The following THEMIS variants were observed in gnomAD, a reference collection of about 807,000 sequenced individuals.
The protein encoded by THEMIS is protein THEMIS.
THEMIS carries 37 observed loss-of-function variants against 52.6 expected under a neutral mutation model. The ratio of observed to expected loss-of-function variants is 0.70; its 90% CI spans 0.54 to 0.93. The LOEUF (loss-of-function observed/expected upper bound fraction) is 0.93, where lower values mean the gene tolerates loss of function less well. THEMIS is among the 40% of genes least tolerant of loss of function. The probability of loss-of-function intolerance (pLI) is 0.00; values close to 1 mark genes in which losing one functional copy is unlikely to be tolerated. For synonymous variants in THEMIS, 292 were observed against 272.7 expected, an observed-to-expected ratio of 1.07 and a Z score of -0.70; for missense variants, 808 against 763.1, an observed-to-expected ratio of 1.06 and a Z score of -0.69.
chr6:127,716,041 A>G lies in THEMIS; in HGVS notation c.1894+3647T>C, dbSNP rs145831317. On this transcript the variant is annotated intron_variant, in intron 5 of 5. Transcript: ENST00000368248. ...ACTACTTGACTAGTCTAATTTATGA[A>G]GGACAAGCAGTGACACAGATTTAGT... Among the ~76,000 whole-genome samples the G allele has an allele frequency of 1.1e-3, 163 of 152,040 alleles. No individual in the cohort carries two copies. The Middle Eastern group carries it at 0.02, about 19-fold the overall frequency.
intron 1 of THEMIS, among the ~76,000 whole-genome samples, chr6:127,892,096 A>G (rs1780830626): frequency 6.6e-6 from 1 of 152,000 alleles, no homozygotes; most frequent in Admixed American, 6.6e-5. Context: ...TCCCAGCCCC[A>G]CTCTGTACCA....
Position 127,812,895 on chromosome 6 carries a change from G to T in THEMIS, c.1746C>A (p.Pro582=). 6.3e-7 allele frequency: 1 copy of T among 1,599,784 alleles called. No homozygotes were observed. The highest frequency in any genetic ancestry group is 1.7e-4 in the Middle Eastern group (1 of 5,944). Residue 582 remains proline, a synonymous_variant, in exon 4 of 6, where the codon CCC becomes CCA. Coordinates refer to ENST00000368248, the MANE Select transcript of THEMIS (RefSeq NM_001010923.3). Reference sequence around the variant, plus strand: ...ACCATAGCCTTACCTTGGGAGACTTGGGCAGGTCTACCGTCCTTTCTTCTG... The same window carrying T: ...ACCATAGCCTTACCTTGGGAGACTTTGGCAGGTCTACCGTCCTTTCTTCTG... ...TLAEERTVDL[P]KSPKRHHVDI... is the part of the protein sequence containing the mutation.
intron 4 of THEMIS, among the ~76,000 whole-genome samples, chr6:127,792,614 C>T (rs539989304): frequency 2.6e-5 from 4 of 152,292 alleles, no homozygotes; most frequent in African/African-American, 9.6e-5. Context: ...CATTTTTAAC[C>T]ATTCCCTGAA....
chr6:127,730,870 G>A (rs953731843), intron 4 of THEMIS, among the ~76,000 whole-genome samples: 2 of 152,100 alleles, frequency 1.3e-5, no homozygotes, highest in African/African-American at 4.8e-5. Flanking sequence ...TCCTGGATGA[G>A]GTAGGCAAAT....
chr6:127,714,047 G>A (rs558420813), intron 5 of THEMIS, among the ~76,000 whole-genome samples: 20 of 151,676 alleles, frequency 1.3e-4, no homozygotes, highest in African/African-American at 1.9e-4. Flanking sequence ...GGCATATTCC[G>A]ATGTTCTTTG....
At chr6:127,699,498 G>T in the THEMIS span, among the ~76,000 whole-genome samples, 116 of 149,262 alleles carry the variant, frequency 7.8e-4, 2 homozygotes, top group African/African-American at 2.8e-3. Context: ...CACAGGATAC[G>T]TTCTTCCACT....
At chr6:127,881,575 A>C (rs1390380683) in intron 1 of THEMIS, among the ~76,000 whole-genome samples, 1 of 151,946 alleles carries the variant, frequency 6.6e-6, no homozygotes, top group Non-Finnish European at 1.5e-5. Flanking sequence ...TGTAAATCTC[A>C]TACTCCATTG....
At chr6:127,878,748 T>C (rs1780389924) in intron 1 of THEMIS, among the ~76,000 whole-genome samples, 1 of 152,202 alleles carries the variant, frequency 6.6e-6, no homozygotes, top group Admixed American at 6.5e-5. Context: ...AATTTCTGAA[T>C]ATTACTGAGC....
chr6:127,873,685 T>C (rs1780224516), intron 1 of THEMIS, among the ~76,000 whole-genome samples: 1 of 152,226 alleles, frequency 6.6e-6, no homozygotes, highest in Non-Finnish European at 1.5e-5. Flanking sequence ...TGTTACAGCA[T>C]CTGTCTTTCC....
At chr6:127,798,692 A>G (rs1048384887) in intron 4 of THEMIS, among the ~76,000 whole-genome samples, 18 of 152,196 alleles carry the variant, frequency 1.2e-4, no homozygotes, top group South Asian at 6.2e-4. Flanking sequence ...CAAAATTCCA[A>G]TTGAAAAATT....
intron 3 of THEMIS, among the ~76,000 whole-genome samples, chr6:127,826,664 A>T (rs1309861748): frequency 6.6e-6 from 1 of 152,176 alleles, no homozygotes; most frequent in Non-Finnish European, 1.5e-5. Context: ...AGGCAAATAT[A>T]AATAGCTCAC....
intron 4 of THEMIS, among the ~76,000 whole-genome samples, chr6:127,743,659 T>C (rs1162793619): frequency 6.6e-6 from 1 of 152,142 alleles, no homozygotes; most frequent in East Asian, 1.9e-4. Flanking sequence ...CATCTTATTG[T>C]GCCCCCAGGC....
chr6:127,703,035 G>GGTTTTTTTTTTTTTTTTTTTT, the THEMIS span, among the ~76,000 whole-genome samples: 34 of 82,380 alleles, frequency 4.1e-4, 4 homozygotes, highest in Non-Finnish European at 6.9e-4. Context: ...TTTAGAATGA[G>GGTTTTTTTTTTTTTTTTTTTT]TTTTTTTTTT....
chr6:127,859,699 T>C (rs1562305731), intron 1 of THEMIS, among the ~76,000 whole-genome samples: 1 of 152,096 alleles, frequency 6.6e-6, no homozygotes. Context: ...GCTGACTATG[T>C]TGTGAATTCT....
intron 5 of THEMIS, among the ~76,000 whole-genome samples, chr6:127,713,875 C>T (rs564253752): frequency 3.3e-5 from 5 of 151,816 alleles, no homozygotes; most frequent in Non-Finnish European, 7.4e-5. Flanking sequence ...GATTATTATA[C>T]ACTTACTCTG....
downstream of THEMIS, among the ~76,000 whole-genome samples, chr6:127,703,791 G>T (rs998618176): frequency 5.3e-5 from 8 of 152,166 alleles, no homozygotes; most frequent in Non-Finnish European, 1.0e-4. Context: ...CTCAGACAAA[G>T]AACAGGTTAT....
At chr6:127,828,916 A>C (rs374135032) in intron 3 of THEMIS, among the ~76,000 whole-genome samples, 8 of 152,178 alleles carry the variant, frequency 5.3e-5, no homozygotes, top group Non-Finnish European at 7.3e-5. Flanking sequence ...TCAAAACAAA[A>C]AAACAAACAA....
intron 1 of THEMIS, among the ~76,000 whole-genome samples, chr6:127,894,169 A>G (rs1200229828): frequency 6.6e-6 from 1 of 152,064 alleles, no homozygotes; most frequent in Admixed American, 6.6e-5. Context: ...TAATTTGAAC[A>G]AAACAAATAA....
intron 1 of THEMIS, among the ~76,000 whole-genome samples, chr6:127,880,532 G>A (rs1388347272): frequency 2.2e-5 from 3 of 136,642 alleles, no homozygotes; most frequent in South Asian, 2.4e-4. Flanking sequence ...AAACTTTTTT[G>A]AATATGTTTT....
Sources: gnomAD v4.1 joint callset for allele counts (sites outside exome capture counted in the v4.1 genomes callset) on GRCh38, gnomAD v4.1.1 for gene constraint, MANE v1.5 for transcripts, NCBI Gene and HGNC (gene_info 2026-07-23, HGNC 2026-07-21) for gene names.